The following R3HDM2 variants were observed in gnomAD, a reference collection of about 807,000 sequenced individuals.
R3HDM2 encodes the protein R3H domain containing 2, also known as R3H domain-containing protein 2.
A neutral mutation model predicts 124.5 loss-of-function variants in R3HDM2; 38 were observed. The ratio of observed to expected loss-of-function variants is 0.31; its 90% confidence interval spans 0.24 to 0.40. The LOEUF (loss-of-function observed/expected upper bound fraction) is 0.40, where lower values mean the gene tolerates loss of function less well. Ranked by LOEUF, R3HDM2 falls within the 10% of genes least tolerant of loss-of-function variation. R3HDM2 has a pLI of 1.00. For synonymous variants in R3HDM2, 391 were observed against 448.0 expected, an observed-to-expected ratio of 0.87 and a Z score of 1.61; for missense variants, 869 against 1,236.9, an observed-to-expected ratio of 0.70 and a Z score of 4.46.
intron 1 of R3HDM2, among the ~76,000 whole-genome samples, chr12:57,416,000 A>G (rs1163631539): frequency 6.6e-6 from 1 of 152,224 alleles, no homozygotes. Context: ...ATAACTGAAG[A>G]AATTTAAATA....
chr12:57,328,547 C>G (rs1483606799), intron 2 of R3HDM2, among the ~76,000 whole-genome samples: 1 of 151,376 alleles, frequency 6.6e-6, no homozygotes, highest in African/African-American at 2.4e-5. Flanking sequence ...TGTTTTGAGA[C>G]AGGGTCTCTC....
At chr12:57,331,838 C>T (rs763902199) in intron 2 of R3HDM2, among the ~76,000 whole-genome samples, 16 of 151,472 alleles carry the variant, frequency 1.1e-4, no homozygotes, top group Middle Eastern at 3.4e-3. Context: ...GACATGAACC[C>T]GGGACGCGGA....
intron 2 of R3HDM2, among the ~76,000 whole-genome samples, chr12:57,358,593 A>G (rs1171335901): frequency 6.6e-6 from 1 of 151,878 alleles, no homozygotes; most frequent in East Asian, 1.9e-4. Context: ...GCAGTGAGCC[A>G]AGATGGCACC....
intron 7 of R3HDM2, 177 bp downstream of exon 7, chr12:57,297,913 A>G (rs766048129): frequency 1.6e-6 from 1 of 608,662 alleles, no homozygotes; most frequent in Non-Finnish European, 2.9e-6. Context: ...AGAAACCTCA[A>G]TGTGAGAGTA....
In R3HDM2 at chr12:57,310,435, CA is replaced by C; in HGVS notation, c.-8del. ...TAGTGTTACTGTTAGACATGTTCTT[CA>C]ATAGAATACAGTGGCCTCTATGGAC... is the stretch of plus-strand genomic sequence containing the variant. On this transcript the variant is annotated 5_prime_UTR_variant, in exon 3 of 24. It adds an upstream start codon to the 5' untranslated region. Coordinates refer to ENST00000402412, the MANE Select transcript of R3HDM2 (RefSeq NM_001394031.1). 1 of 1,521,318 alleles carries C rather than the reference CA, an allele frequency of 6.6e-7. No homozygotes were observed. The highest frequency in any genetic ancestry group is 8.8e-7 in the Non-Finnish European group (1 of 1,135,692). The allele number at this position is 1,521,318 out of a possible 1,614,324, so 94.2% of individuals were successfully genotyped here. A position where few individuals can be genotyped will look rare whatever the true frequency, so the allele number is the denominator to read the frequency against.
Position 57,299,452 on chromosome 12 carries a change from G to A in R3HDM2, c.321C>T (p.Cys107=). The change falls in exon 6 of 24, where the codon TGC becomes TGT. Residue 107 remains cysteine (C), a synonymous_variant. Coordinates refer to ENST00000402412, the MANE Select transcript of R3HDM2 (RefSeq NM_001394031.1). ...TQDIIQLHIS[C]PSDKEEEKST... is the part of the protein sequence containing the mutation. ...ACTTTTCTTCCTCCTTGTCAGAAGG[G>A]CAACTGATGTGCAATTGAATTATAT... 1 of 1,545,890 alleles carries A rather than the reference G, an allele frequency of 6.5e-7. No homozygotes were observed. Among genetic ancestry groups the A allele is most frequent in the South Asian group, 1.2e-5 (1 of 83,932 alleles).
chr12:57,379,209 T>C (rs920498797), intron 2 of R3HDM2, among the ~76,000 whole-genome samples: 3 of 152,196 alleles, frequency 2.0e-5, no homozygotes, highest in African/African-American at 7.2e-5. Context: ...TTAAGAGGGT[T>C]AATTCTGTTA....
chr12:57,398,132 G>A (rs1286195476), intron 1 of R3HDM2, among the ~76,000 whole-genome samples: 1 of 151,628 alleles, frequency 6.6e-6, no homozygotes, highest in South Asian at 2.1e-4. Context: ...AGGGGAGAGG[G>A]GCAGAGGTTG....
intron 4 of R3HDM2, among the ~76,000 whole-genome samples, chr12:57,300,851 C>T (rs2050960657): frequency 6.6e-6 from 1 of 152,070 alleles, no homozygotes; most frequent in Admixed American, 6.6e-5. Flanking sequence ...CACCTGTAAA[C>T]CTGGCATTTT....
chr12:57,430,650 T>TCCCCACAGGCCCGG, intron 1 of R3HDM2, 70 bp downstream of exon 1: 1 of 940,120 alleles, frequency 1.1e-6, no homozygotes, highest in Non-Finnish European at 1.3e-6. Flanking sequence ...CGCCCGCCCG[T>TCCCCACAGGCCCGG]GCGGCCGCCA....
At chr12:57,366,620 A>G (rs1308706050) in intron 2 of R3HDM2, among the ~76,000 whole-genome samples, 2 of 152,146 alleles carry the variant, frequency 1.3e-5, no homozygotes, top group African/African-American at 4.8e-5. Flanking sequence ...CAGATGCCAA[A>G]TGTAAATTTT....
chr12:57,365,190 T>C (rs1442166786), intron 2 of R3HDM2, among the ~76,000 whole-genome samples: 6 of 141,688 alleles, frequency 4.2e-5, no homozygotes, highest in Admixed American at 1.4e-4. Flanking sequence ...CTTGAACCCA[T>C]GAAGTGGAGG....
rs2049565732 is a variant in R3HDM2 at position 57,295,414 on chromosome 12, G to T, written c.795C>A (p.Asp265Glu). 2 of 1,550,230 alleles carry T rather than the reference G, an allele frequency of 1.3e-6. No homozygotes were observed. The highest frequency in any genetic ancestry group is 1.7e-6 in the Non-Finnish European group (2 of 1,146,030). ...FILKRDDASM[D>E]RDDNQIRVPL... Reference sequence around the variant, plus strand: ...CATTCTTCACCTGGTTATCATCTCGGTCCATACTGGCATCATCTCTCTTGA... The same window carrying T: ...CATTCTTCACCTGGTTATCATCTCGTTCCATACTGGCATCATCTCTCTTGA... Residue 265 changes from aspartate to glutamate, a missense_variant, in exon 10 of 24, where the codon GAC becomes GAA. Physicochemically the swap from Asp to Glu is conservative, Grantham distance 45 (BLOSUM62 2). This residue lies in a region of R3HDM2 where 267 missense variants were observed against 447.7 expected (regional missense o/e 0.60). Coordinates refer to ENST00000402412, the MANE Select transcript of R3HDM2 (RefSeq NM_001394031.1).
chr12:57,373,020 G>A (rs1213536084), intron 2 of R3HDM2, among the ~76,000 whole-genome samples: 1 of 152,186 alleles, frequency 6.6e-6, no homozygotes, highest in Middle Eastern at 3.2e-3. Context: ...ACTAGCCTGG[G>A]CAATGTAGTG....
chr12:57,410,519 A>T (rs1262215959), intron 1 of R3HDM2, among the ~76,000 whole-genome samples: 1 of 152,152 alleles, frequency 6.6e-6, no homozygotes, highest in Non-Finnish European at 1.5e-5. Flanking sequence ...GTATTGCCTC[A>T]TCCATCCAGG....
In R3HDM2 at chr12:57,269,971, A is replaced by G; in HGVS notation, c.1368T>C (p.Phe456=). The change falls in exon 15 of 24, where the codon TTT becomes TTC. Residue 456 remains phenylalanine (F), a synonymous_variant. Coordinates refer to ENST00000402412, the MANE Select transcript of R3HDM2 (RefSeq NM_001394031.1). ...ISQADDLSNP[F]GQMSLSRQGS... is the part of the protein sequence containing the mutation. ...CTTGGCGACTAAGGCTCATTTGTCC[A>G]AAGGGGTTGCTGAGGTCATCTGCCT... 6.2e-7 allele frequency: 1 copy of G among 1,614,228 alleles called. No individual in the cohort carries two copies. Among genetic ancestry groups the G allele is most frequent in the Non-Finnish European group, 8.5e-7 (1 of 1,180,034 alleles).
chr12:57,321,373 G>A (rs1356460879), intron 2 of R3HDM2, among the ~76,000 whole-genome samples: 3 of 152,126 alleles, frequency 2.0e-5, no homozygotes, highest in African/African-American at 7.2e-5. Context: ...GGATAGGGCC[G>A]GGCACAGTGG....
At chr12:57,256,895 T>C (rs922228036) in intron 21 of R3HDM2, among the ~76,000 whole-genome samples, 3 of 151,832 alleles carry the variant, frequency 2.0e-5, no homozygotes, top group African/African-American at 7.3e-5. Context: ...CTCGGCTCAC[T>C]GCAACCTCTG....
At chr12:57,333,675 G>A (rs948591179) in intron 2 of R3HDM2, among the ~76,000 whole-genome samples, 7 of 151,914 alleles carry the variant, frequency 4.6e-5, no homozygotes, top group African/African-American at 2.4e-5. Context: ...TGACAAGAGC[G>A]AAACTCCATC....
Sources: gnomAD v4.1 joint callset for allele counts (sites outside exome capture counted in the v4.1 genomes callset) on GRCh38, gnomAD v4.1.1 for gene constraint, gnomAD v4.1.1 regional missense constraint, MANE v1.5 for transcripts, NCBI Gene and HGNC (gene_info 2026-07-23, HGNC 2026-07-21) for gene names.